NCOR2: variants seen among roughly 807,000 people sequenced by gnomAD.
NCOR2 encodes CTG repeat protein 26.
Under a neutral mutation model 262.9 loss-of-function variants are expected in NCOR2, and 81 were observed. The ratio of observed to expected loss-of-function variants is 0.31; its 90% CI spans 0.26 to 0.37. The LOEUF is 0.37. NCOR2 is among the 10% of genes least tolerant of loss of function. The pLI, the probability that NCOR2 is intolerant of heterozygous loss-of-function variation, is 1.00. For synonymous variants in NCOR2, 1,659 were observed against 1,559.3 expected, an observed-to-expected ratio of 1.06 and a Z score of -1.51; for missense variants, 3,385 against 3,621.4, an observed-to-expected ratio of 0.93 and a Z score of 1.68.
At chr12:124,474,342 T>A (rs1309529941) in intron 3 of NCOR2, among the ~76,000 whole-genome samples, 1 of 152,254 alleles carries the variant, frequency 6.6e-6, no homozygotes, top group Non-Finnish European at 1.5e-5. Flanking sequence ...AGGGTATTTT[T>A]ACTTTCTTCT....
intron 16 of NCOR2, among the ~76,000 whole-genome samples, chr12:124,391,501 GC>G (rs968610308): frequency 2.0e-4 from 11 of 53,864 alleles, no homozygotes; most frequent in Admixed American, 8.6e-4. Context: ...CCAAGCCCTG[GC>G]GGGGGGGGGG....
intron 1 of NCOR2, among the ~76,000 whole-genome samples, chr12:124,521,725 T>C (rs2050201843): frequency 6.6e-6 from 1 of 152,186 alleles, no homozygotes. Context: ...GAACTGTTCA[T>C]GTTAAAATGG....
intron 8 of NCOR2, among the ~76,000 whole-genome samples, chr12:124,436,253 G>A (rs2044331517): frequency 6.6e-6 from 1 of 152,232 alleles, no homozygotes; most frequent in African/African-American, 2.4e-5. Flanking sequence ...CGCTGGGCAT[G>A]ACTGAGCCAG....
At chr12:124,367,113 G>A (rs1216306561) in intron 20 of NCOR2, among the ~76,000 whole-genome samples, 1 of 152,150 alleles carries the variant, frequency 6.6e-6, no homozygotes, top group African/African-American at 2.4e-5. Context: ...GTCCCATGCA[G>A]TCTGCCCGAG....
intron 6 of NCOR2, 144 bp from the exon 9 acceptor site, chr12:124,450,011 A>G: frequency 1.3e-6 from 1 of 781,930 alleles, no homozygotes; most frequent in Non-Finnish European, 2.0e-6. Flanking sequence ...AACAGAACAC[A>G]GGGACCCAGC....
At chr12:124,344,486 A>G (rs1488872101) in intron 32 of NCOR2, 111 bp downstream of exon 34, 2 of 1,041,236 alleles carry the variant, frequency 1.9e-6, no homozygotes, top group Non-Finnish European at 2.6e-6. Flanking sequence ...ATGTGGTGGA[A>G]AGCGGGTGGC....
chr12:124,334,874 C>A (rs1157914143), intron 40 of NCOR2: 4 of 618,396 alleles, frequency 6.5e-6, no homozygotes, highest in Non-Finnish European at 8.5e-6. Context: ...ACCTGGGCCA[C>A]CAGGAAGGCC....
intron 3 of NCOR2, among the ~76,000 whole-genome samples, chr12:124,479,412 C>A (rs189872010): frequency 2.6e-5 from 4 of 151,914 alleles, no homozygotes; most frequent in African/African-American, 4.8e-5. Context: ...CACGCACACA[C>A]AGGTACATGC....
At chr12:124,556,984 A>AGCGAG (rs2137279238) in intron 1 of NCOR2, among the ~76,000 whole-genome samples, 1 of 152,372 alleles carries the variant, frequency 6.6e-6, no homozygotes, top group East Asian at 1.9e-4. Context: ...CAGGAGAAAC[A>AGCGAG]GCGAGGCCGG....
chr12:124,424,037 C>T (rs1017106664), intron 11 of NCOR2, among the ~76,000 whole-genome samples: 2 of 152,148 alleles, frequency 1.3e-5, no homozygotes, highest in Non-Finnish European at 1.5e-5. Context: ...AGTTGCGGCT[C>T]ACACAGGATG....
At chr12:124,346,837 G>C in exon 31 of NCOR2, 2 of 1,577,012 alleles carry the variant, frequency 1.3e-6, no homozygotes, top group Non-Finnish European at 1.7e-6. Context: ...CCTCCACGTA[G>C]GACCGAGGGA....
intron 13 of NCOR2, among the ~76,000 whole-genome samples, chr12:124,418,082 C>T (rs549671773): frequency 9.2e-5 from 14 of 151,746 alleles, no homozygotes; most frequent in Admixed American, 2.0e-4. Flanking sequence ...AAAACAAATC[C>T]CAAAAAAACA....
chr12:124,418,817 G>A (rs1036814432), intron 13 of NCOR2, among the ~76,000 whole-genome samples: 1 of 152,208 alleles, frequency 6.6e-6, no homozygotes, highest in African/African-American at 2.4e-5. Context: ...GTCCCTTTGA[G>A]GCATGCCACT....
At chr12:124,399,470 C>G (rs549152405) in intron 15 of NCOR2, among the ~76,000 whole-genome samples, 2 of 152,314 alleles carry the variant, frequency 1.3e-5, no homozygotes, top group Non-Finnish European at 2.9e-5. Flanking sequence ...CACCAAGAGG[C>G]AGCTGGAAAA....
chr12:124,348,287 T>C, exon 29 of NCOR2: 2 of 1,612,206 alleles, frequency 1.2e-6, no homozygotes, highest in Non-Finnish European at 1.7e-6. Context: ...GCCGTCCTCC[T>C]TGGAGCACTG....
intron 13 of NCOR2, among the ~76,000 whole-genome samples, chr12:124,403,392 T>G (rs973740414): frequency 2.6e-5 from 4 of 152,012 alleles, no homozygotes; most frequent in Non-Finnish European, 5.9e-5. Context: ...CCCCGACCTG[T>G]CCCAGCCACT....
At chr12:124,364,691 C>T (rs2135980517) in intron 20 of NCOR2, among the ~76,000 whole-genome samples, 1 of 152,322 alleles carries the variant, frequency 6.6e-6, no homozygotes, top group African/African-American at 2.4e-5. Context: ...TAGCACCTGC[C>T]ATAATCCCCA....
chr12:124,414,062 G>T (rs573250867), intron 13 of NCOR2, among the ~76,000 whole-genome samples: 1 of 152,022 alleles, frequency 6.6e-6, no homozygotes, highest in Non-Finnish European at 1.5e-5. Flanking sequence ...CCCCTCTGCC[G>T]CCTGCCCTCG....
chr12:124,562,342 C>T (rs1412463892), intron 1 of NCOR2: 1 of 152,248 alleles, frequency 6.6e-6, no homozygotes, highest in Non-Finnish European at 1.5e-5. Context: ...AGGCTACCCT[C>T]TAAGGCGGGC....
Sources: allele counts gnomAD v4.1 joint callset (sites outside exome capture counted in the v4.1 genomes callset), GRCh38; gene constraint gnomAD v4.1.1; transcripts MANE v1.5; gene names NCBI Gene and HGNC (gene_info 2026-07-23, HGNC 2026-07-21).